Variants in PTPRD observed in about 807,000 individuals in gnomAD.
PTPRD encodes the protein receptor-type tyrosine-protein phosphatase delta.
A neutral mutation model predicts 214.5 loss-of-function variants in PTPRD; 34 were observed. That is an observed-to-expected ratio of 0.16 (90% confidence interval 0.12 to 0.21). PTPRD has a LOEUF of 0.21. PTPRD is among the 10% of genes least tolerant of loss of function. The probability of loss-of-function intolerance (pLI) is 1.00; values close to 1 mark genes in which losing one functional copy is unlikely to be tolerated. For missense variants in PTPRD, 2,545 were observed against 2,398.7 expected, an observed-to-expected ratio of 1.06 and a Z score of -1.27; for synonymous variants, 1,128 against 845.7, an observed-to-expected ratio of 1.33 and a Z score of -5.79.
intron 5 of PTPRD, among the ~76,000 whole-genome samples, chr9:9,813,904 T>C (rs1042721782): frequency 6.6e-6 from 1 of 152,074 alleles, no homozygotes; most frequent in African/African-American, 2.4e-5. Context: ...AAAAGGATCA[T>C]TCACAATGAT....
At chr9:9,095,085 A>T (rs2099781602) in intron 10 of PTPRD, among the ~76,000 whole-genome samples, 1 of 152,216 alleles carries the variant, frequency 6.6e-6, no homozygotes, top group African/African-American at 2.4e-5. Context: ...CAAGATAGGC[A>T]TTAAAAAACA....
chr9:8,836,134 T>C (rs1486139733), intron 11 of PTPRD, among the ~76,000 whole-genome samples: 1 of 152,214 alleles, frequency 6.6e-6, no homozygotes, highest in African/African-American at 2.4e-5. Context: ...TGCTGCTGTA[T>C]GCTCTATTAT....
chr9:9,018,841 T>A (rs1168969416), intron 10 of PTPRD, 106 bp from the exon 11 acceptor site: 1 of 152,154 alleles, frequency 6.6e-6, no homozygotes, highest in Non-Finnish European at 1.5e-5. Context: ...AGTGGAAATG[T>A]CAAATTCCAA....
At chr9:8,627,198 TCAGCTGGAAG>T (rs1228049902) in intron 14 of PTPRD, among the ~76,000 whole-genome samples, 2 of 151,790 alleles carry the variant, frequency 1.3e-5, no homozygotes, top group African/African-American at 2.4e-5. Flanking sequence ...TGTCGACATG[TCAGCTGGAAG>T]AACATTGTTC....
intron 39 of PTPRD, among the ~76,000 whole-genome samples, chr9:8,369,735 G>C (rs760893467): frequency 2.0e-5 from 3 of 151,746 alleles, no homozygotes; most frequent in Admixed American, 1.3e-4. Flanking sequence ...GTCTTAAAAA[G>C]AGTTAATGTG....
intron 14 of PTPRD, among the ~76,000 whole-genome samples, chr9:8,618,564 G>A (rs1334258874): frequency 6.6e-6 from 1 of 151,988 alleles, no homozygotes; most frequent in Non-Finnish European, 1.5e-5. Context: ...ATCTACCAGA[G>A]GTTTCAAAGA....
rs187797803 is a variant in PTPRD, at chr9:9,497,600, C to T, written c.-237+77132G>A. ...TTATTTGGACTGGTTTTGGTAAGAA[C>T]ATTTGTCCATGTCAACGATCACCAT... On this transcript the variant is annotated intron_variant, in intron 8 of 45. Transcript: ENST00000381196. 6.4e-4 allele frequency among the ~76,000 whole-genome samples: 97 copies of T among 152,188 alleles called. No individual in the cohort carries two copies. In the Middle Eastern group the frequency reaches 0.031, roughly 48 times the overall value.
chr9:9,733,082 C>A (rs2098227379), intron 7 of PTPRD, among the ~76,000 whole-genome samples: 1 of 152,150 alleles, frequency 6.6e-6, no homozygotes, highest in African/African-American at 2.4e-5. Flanking sequence ...CTAGTAAAAG[C>A]CTGCACAATG....
intron 9 of PTPRD, among the ~76,000 whole-genome samples, chr9:9,384,955 A>G (rs2063451477): frequency 6.6e-6 from 1 of 152,110 alleles, no homozygotes; most frequent in Non-Finnish European, 1.5e-5. Flanking sequence ...TTGAGCATAT[A>G]TATGTTCAAT....
chr9:9,201,796 G>A lies in PTPRD; in HGVS notation c.-202-18433C>T, dbSNP rs144431714. Among the ~76,000 whole-genome samples, 306 of 152,246 alleles carry A rather than the reference G, an allele frequency of 2.0e-3. 2 individuals carry two copies. Among genetic ancestry groups the A allele is most frequent in the African/African-American group, 6.8e-3 (282 of 41,552 alleles). On this transcript the variant is annotated intron_variant, in intron 9 of 45. Coordinates refer to ENST00000381196, the MANE Select transcript of PTPRD (RefSeq NM_002839.4). ...TGGGATGAGGGACTAATTTTGATGT[G>A]ATAATTATAGCACAGTCATTAACTC...
intron 14 of PTPRD, among the ~76,000 whole-genome samples, chr9:8,544,305 C>T (rs2079301583): frequency 6.6e-6 from 1 of 150,566 alleles, no homozygotes; most frequent in African/African-American, 2.4e-5. Flanking sequence ...TGATCTCGAA[C>T]TCCCAACCCT....
chr9:8,769,929 T>G (rs1235697228), intron 11 of PTPRD, among the ~76,000 whole-genome samples: 1 of 151,966 alleles, frequency 6.6e-6, no homozygotes, highest in Admixed American at 6.6e-5. Flanking sequence ...TAAATAGGAA[T>G]AAGAAATGAT....
At chr9:10,001,764 A>G (rs2096323577) in intron 4 of PTPRD, among the ~76,000 whole-genome samples, 1 of 152,136 alleles carries the variant, frequency 6.6e-6, no homozygotes, top group Admixed American at 6.5e-5. Context: ...ATTCGTCACT[A>G]GTACAGCTGC....
At chr9:9,218,592 T>C (rs892468809) in intron 9 of PTPRD, among the ~76,000 whole-genome samples, 9 of 152,128 alleles carry the variant, frequency 5.9e-5, no homozygotes, top group African/African-American at 1.7e-4. Flanking sequence ...GAAAGCTAAG[T>C]CCTTTGGTAA....
chr9:8,713,169 C>A (rs955618374), intron 12 of PTPRD: 6 of 558,792 alleles, frequency 1.1e-5, no homozygotes, highest in African/African-American at 9.4e-5. Flanking sequence ...TCCTGCATAA[C>A]TGTCAGTGCC....
chr9:10,144,097 G>GA (rs1035484635), intron 3 of PTPRD, among the ~76,000 whole-genome samples: 7 of 151,796 alleles, frequency 4.6e-5, no homozygotes, highest in African/African-American at 9.7e-5. Flanking sequence ...AATTACTAAA[G>GA]AAAAAAATAA....
intron 9 of PTPRD, among the ~76,000 whole-genome samples, chr9:9,395,896 T>C (rs1485810322): frequency 2.0e-5 from 3 of 152,138 alleles, no homozygotes; most frequent in African/African-American, 7.2e-5. Context: ...TTGTTGCTTT[T>C]TGTAATCGGA....
chr9:10,058,924 C>T (rs1323080984), intron 3 of PTPRD, among the ~76,000 whole-genome samples: 1 of 152,058 alleles, frequency 6.6e-6, no homozygotes, highest in Non-Finnish European at 1.5e-5. Context: ...AGGATAATAT[C>T]TGGTTCTCTG....
chr9:10,210,523 G>A (rs370956974), intron 3 of PTPRD, among the ~76,000 whole-genome samples: 10 of 151,642 alleles, frequency 6.6e-5, no homozygotes, highest in African/African-American at 2.4e-4. Context: ...CAAGGAGGGG[G>A]GGCTTCTTGC....
Sources: gnomAD v4.1 joint callset for allele counts (sites outside exome capture counted in the v4.1 genomes callset) on GRCh38, gnomAD v4.1.1 for gene constraint, MANE v1.5 for transcripts, NCBI Gene and HGNC (gene_info 2026-07-23, HGNC 2026-07-21) for gene names.